ABTB3: variants seen among roughly 807,000 people sequenced by gnomAD.
ABTB3 encodes the protein ankyrin repeat- and BTB/POZ domain-containing protein 3.
the ABTB3 span, among the ~76,000 whole-genome samples, chr12:107,452,202 ATTTTTTT>A: frequency 5.7e-4 from 63 of 110,200 alleles, no homozygotes; most frequent in Non-Finnish European, 8.0e-4. Context: ...GCCCATATGA[ATTTTTTT>A]TTTTTTTTTT....
chr12:107,517,989 A>G, the ABTB3 span, among the ~76,000 whole-genome samples: 158 of 152,376 alleles, frequency 1.0e-3, 5 homozygotes, highest in East Asian at 0.027. Flanking sequence ...GAAGACATTT[A>G]TGCAGCCGAC....
At chr12:107,367,310 G>A in the ABTB3 span, among the ~76,000 whole-genome samples, 1 of 152,124 alleles carries the variant, frequency 6.6e-6, no homozygotes, top group Non-Finnish European at 1.5e-5. Flanking sequence ...GTGCTTGACT[G>A]ATTGGCATGA....
chr12:107,333,364 C>A, the ABTB3 span, among the ~76,000 whole-genome samples: 2 of 152,082 alleles, frequency 1.3e-5, no homozygotes. Context: ...AGCTGGGGTG[C>A]AAGTTTAGGG....
chr12:107,507,701 C>T, the ABTB3 span, among the ~76,000 whole-genome samples: 1 of 152,208 alleles, frequency 6.6e-6, no homozygotes, highest in African/African-American at 2.4e-5. Flanking sequence ...CCCCACAATG[C>T]ACCATGAGTT....
At chr12:107,344,013 T>C in the ABTB3 span, among the ~76,000 whole-genome samples, 1 of 152,186 alleles carries the variant, frequency 6.6e-6, no homozygotes, top group Non-Finnish European at 1.5e-5. Context: ...ACCTTATCTG[T>C]AGTTCTGCAT....
the ABTB3 span, among the ~76,000 whole-genome samples, chr12:107,376,801 G>A: frequency 1.3e-5 from 2 of 152,134 alleles, no homozygotes; most frequent in African/African-American, 2.4e-5. Flanking sequence ...TACACATGCT[G>A]TTTTATTCAA....
the ABTB3 span, chr12:107,649,119 G>A: frequency 1.6e-6 from 2 of 1,225,288 alleles, no homozygotes; most frequent in Admixed American, 1.8e-5. Context: ...GAGGTCTCAG[G>A]AACTAAGCCT....
chr12:107,378,060 A>G, the ABTB3 span, among the ~76,000 whole-genome samples: 145 of 152,318 alleles, frequency 9.5e-4, no homozygotes, highest in Middle Eastern at 3.4e-3. Flanking sequence ...AGACCAAGCC[A>G]TGTGTAAATT....
At chr12:107,545,401 A>T in the ABTB3 span, among the ~76,000 whole-genome samples, 1 of 151,496 alleles carries the variant, frequency 6.6e-6, no homozygotes, top group African/African-American at 2.4e-5. Flanking sequence ...GCCCCACCAC[A>T]CCCAGCTAAT....
the ABTB3 span, among the ~76,000 whole-genome samples, chr12:107,333,568 A>G: frequency 4.6e-5 from 7 of 152,216 alleles, no homozygotes; most frequent in South Asian, 2.1e-4. Flanking sequence ...TAAGAAATAT[A>G]CCAGGTTCTC....
the ABTB3 span, among the ~76,000 whole-genome samples, chr12:107,425,633 G>C: frequency 2.7e-3 from 418 of 152,240 alleles, 2 homozygotes; most frequent in African/African-American, 9.5e-3. Context: ...TGGACCTCCC[G>C]GGTGAAAACC....
At chr12:107,518,003 T>A in the ABTB3 span, among the ~76,000 whole-genome samples, 1 of 152,126 alleles carries the variant, frequency 6.6e-6, no homozygotes, top group African/African-American at 2.4e-5. Flanking sequence ...AGCCGACACA[T>A]GAAAAAATGC....
chr12:107,558,814 TA>T, the ABTB3 span, among the ~76,000 whole-genome samples: 1 of 152,192 alleles, frequency 6.6e-6, no homozygotes, highest in Admixed American at 6.5e-5. Context: ...TTTGCCTATT[TA>T]ACAGATGAGA....
the ABTB3 span, among the ~76,000 whole-genome samples, chr12:107,451,836 A>G: frequency 6.6e-6 from 1 of 152,220 alleles, no homozygotes; most frequent in Non-Finnish European, 1.5e-5. Context: ...ATACTATAAC[A>G]ATCGCTAACA....
At chr12:107,328,693 G>T in the ABTB3 span, among the ~76,000 whole-genome samples, 1 of 152,324 alleles carries the variant, frequency 6.6e-6, no homozygotes, top group East Asian at 1.9e-4. Context: ...GCTCAGAAAA[G>T]TTCAGCAACT....
chr12:107,578,383 C>CTTTTTTTTTTTTT, the ABTB3 span, among the ~76,000 whole-genome samples: 461 of 57,248 alleles, frequency 8.1e-3, 13 homozygotes, highest in Middle Eastern at 0.031. Context: ...CTTTCTTCTT[C>CTTTTTTTTTTTTT]TTTTTTTTTT....
At chr12:107,378,096 T>C in the ABTB3 span, among the ~76,000 whole-genome samples, 1,817 of 152,338 alleles carry the variant, frequency 0.012, 45 homozygotes, top group African/African-American at 0.041. Context: ...GAGTGCTTCC[T>C]TTGTGCAAAG....
At chr12:107,337,991 G>C in the ABTB3 span, among the ~76,000 whole-genome samples, 1 of 152,190 alleles carries the variant, frequency 6.6e-6, no homozygotes. Context: ...CCAGGTACTG[G>C]TGTAATGGGA....
chr12:107,416,226 C>T, the ABTB3 span, among the ~76,000 whole-genome samples: 4 of 152,174 alleles, frequency 2.6e-5, no homozygotes, highest in African/African-American at 4.8e-5. Context: ...ATATTTCCTT[C>T]CATTCCTTGT....
Sources: allele counts gnomAD v4.1 joint callset (sites outside exome capture counted in the v4.1 genomes callset), GRCh38; gene constraint gnomAD v4.1.1; transcripts MANE v1.5; gene names NCBI Gene and HGNC (gene_info 2026-07-23, HGNC 2026-07-21).